Variants in GPC5 observed in about 807,000 individuals in gnomAD.
GPC5 encodes glypican-5.
A neutral mutation model predicts 53.9 loss-of-function variants in GPC5; 47 were observed. The ratio of observed to expected loss-of-function variants is 0.87; its 90% confidence interval spans 0.69 to 1.11. The LOEUF is 1.11. Among genes scored for constraint, GPC5 ranks in the 50% most tolerant of loss-of-function variants. The pLI is 0.00. For missense variants in GPC5, 748 were observed against 713.1 expected (o/e 1.05, Z -0.56); for synonymous variants, 286 against 263.3 (o/e 1.09, Z -0.84).
intron 7 of GPC5, among the ~76,000 whole-genome samples, chr13:92,851,759 G>A (rs1337411354): frequency 1.3e-5 from 2 of 151,268 alleles, no homozygotes; most frequent in Non-Finnish European, 2.9e-5. Flanking sequence ...CGTGGTGGTG[G>A]GTGCCTGTAG....
chr13:91,553,203 A>G (rs2030748469), intron 2 of GPC5, among the ~76,000 whole-genome samples: 1 of 106,072 alleles, frequency 9.4e-6, no homozygotes, highest in African/African-American at 4.1e-5. Context: ...TTTTCCTGAA[A>G]TATTTTCTTT....
chr13:92,603,921 G>A (rs1238940579), intron 7 of GPC5, among the ~76,000 whole-genome samples: 1 of 152,138 alleles, frequency 6.6e-6, no homozygotes, highest in Non-Finnish European at 1.5e-5. Context: ...TCTGGAAGTT[G>A]TAAGCATCAC....
intron 7 of GPC5, among the ~76,000 whole-genome samples, chr13:92,498,620 C>A (rs1880072228): frequency 6.6e-6 from 1 of 152,108 alleles, no homozygotes; most frequent in Non-Finnish European, 1.5e-5. Flanking sequence ...ACCTGACATT[C>A]CTGGTTTGCA....
At chr13:91,723,587 GC>G (rs1398916745) in intron 3 of GPC5, among the ~76,000 whole-genome samples, 1 of 151,818 alleles carries the variant, frequency 6.6e-6, no homozygotes, top group Non-Finnish European at 1.5e-5. Context: ...ACCACCAAGA[GC>G]TTTAACTTCT....
intron 6 of GPC5, among the ~76,000 whole-genome samples, chr13:92,099,731 C>T (rs990260412): frequency 1.3e-5 from 2 of 152,076 alleles, no homozygotes; most frequent in Admixed American, 6.6e-5. Context: ...CTAAGGTGAC[C>T]CTCCCCTCCC....
Position 91,479,577 on chromosome 13 carries a change from GT to G in GPC5, c.325+30663del, listed in dbSNP as rs146877237. ...TCCCCAAGAATATAGTCTACTTAAA[GT>G]TTTTTTTGTGAATAGCTACATATAT... On this transcript the variant is annotated intron_variant, in intron 2 of 7. Coordinates refer to ENST00000377067, the MANE Select transcript of GPC5 (RefSeq NM_004466.6). Among the ~76,000 whole-genome samples the G allele has an allele frequency of 7.1e-4, 108 of 152,024 alleles. No homozygotes were observed. The East Asian group carries it at 0.016, about 23-fold the overall frequency.
intron 7 of GPC5, among the ~76,000 whole-genome samples, chr13:92,337,958 C>G (rs1490770761): frequency 2.6e-5 from 4 of 152,016 alleles, no homozygotes; most frequent in African/African-American, 7.2e-5. Flanking sequence ...AACTGGTAAG[C>G]TGGACTTCAT....
At chr13:92,157,964 TA>T (rs1397412868) in intron 7 of GPC5, among the ~76,000 whole-genome samples, 2 of 152,172 alleles carry the variant, frequency 1.3e-5, no homozygotes, top group African/African-American at 2.4e-5. Context: ...AAATGAACTG[TA>T]AAAAATACAT....
chr13:92,692,565 G>T (rs1406170682), intron 7 of GPC5, among the ~76,000 whole-genome samples: 2 of 150,202 alleles, frequency 1.3e-5, no homozygotes, highest in African/African-American at 2.5e-5. Flanking sequence ...AGCATTGGGA[G>T]ATATACCTAA....
At chr13:92,103,614 A>G (rs7997781) in intron 6 of GPC5, among the ~76,000 whole-genome samples, 6,057 of 152,232 alleles carry the variant, frequency 0.04, 396 homozygotes, top group African/African-American at 0.14. Flanking sequence ...AACTAGAGAA[A>G]TTTCCAAAAT....
At chr13:91,660,022 G>T (rs901654311) in intron 2 of GPC5, among the ~76,000 whole-genome samples, 1 of 152,176 alleles carries the variant, frequency 6.6e-6, no homozygotes, top group South Asian at 2.1e-4. Flanking sequence ...AAAAAGAAAG[G>T]CTTCAGGTTG....
chr13:92,230,106 G>A (rs1422280142), intron 7 of GPC5, among the ~76,000 whole-genome samples: 1 of 152,110 alleles, frequency 6.6e-6, no homozygotes, highest in Non-Finnish European at 1.5e-5. Context: ...TGATCATCAG[G>A]TCCAGAGCAG....
chr13:92,066,408 A>T (rs1566420395), intron 6 of GPC5, among the ~76,000 whole-genome samples: 2 of 151,680 alleles, frequency 1.3e-5, no homozygotes, highest in South Asian at 4.1e-4. Flanking sequence ...GATTTTGTTA[A>T]ATTAGGTTTT....
At position 91,533,664 on chromosome 13, in the gene GPC5, G is replaced by A. The variant is rs1489702292; in HGVS notation, c.325+84742G>A. 2.0e-5 allele frequency among the ~76,000 whole-genome samples: 3 copies of A among 152,160 alleles called. No individual in the cohort carries two copies. In the East Asian group the frequency reaches 5.8e-4, roughly 29 times the overall value. Reference sequence around the variant, plus strand: ...AGCATTAAAAAAGGGTGCTCCAAATGATTAGCACAGGCCACCGAAAGGAAG... The same window carrying A: ...AGCATTAAAAAAGGGTGCTCCAAATAATTAGCACAGGCCACCGAAAGGAAG... On this transcript the variant is annotated intron_variant, in intron 2 of 7. Transcript: ENST00000377067.
intron 1 of GPC5, among the ~76,000 whole-genome samples, chr13:91,432,205 G>GTGTGTGTT (rs1879515366): frequency 8.4e-6 from 1 of 119,558 alleles, no homozygotes; most frequent in Admixed American, 8.5e-5. Flanking sequence ...TGCTGCTGCT[G>GTGTGTGTT]TGTGTGTGTG....
chr13:91,925,740 A>C (rs1361199768), intron 6 of GPC5, among the ~76,000 whole-genome samples: 1 of 152,184 alleles, frequency 6.6e-6, no homozygotes, highest in East Asian at 1.9e-4. Flanking sequence ...CAAACGAAAA[A>C]GCATCTCTAT....
At chr13:92,385,684 C>A (rs1026458854) in intron 7 of GPC5, among the ~76,000 whole-genome samples, 1 of 141,338 alleles carries the variant, frequency 7.1e-6, no homozygotes, top group Admixed American at 7.4e-5. Context: ...TATATACACA[C>A]ATATATACCT....
chr13:91,853,244 TG>T lies in GPC5; in HGVS notation c.1281-54687del, dbSNP rs368289474. ...TCAGTCTCTAACTTTTCAAGTTTTT[TG>T]GGGGGTTTCTCTTTCTCATCTGGGG... On this transcript the variant is annotated intron_variant, in intron 5 of 7. Transcript: ENST00000377067. Among the ~76,000 whole-genome samples the T allele has an allele frequency of 5.8e-3, 884 of 152,186 alleles. 11 individuals carry two copies. Among genetic ancestry groups the T allele is most frequent in the Middle Eastern group, 0.054 (16 of 294 alleles).
At chr13:92,343,807 A>C (rs1249107407) in intron 7 of GPC5, among the ~76,000 whole-genome samples, 1 of 152,094 alleles carries the variant, frequency 6.6e-6, no homozygotes, top group Non-Finnish European at 1.5e-5. Context: ...TATTCTGTTA[A>C]AACCTATTAT....
Sources: gnomAD v4.1 joint callset for allele counts (sites outside exome capture counted in the v4.1 genomes callset) on GRCh38, gnomAD v4.1.1 for gene constraint, MANE v1.5 for transcripts, NCBI Gene and HGNC (gene_info 2026-07-23, HGNC 2026-07-21) for gene names.